Variants in PRXL2A observed in about 807,000 individuals in gnomAD.
The protein encoded by PRXL2A is peroxiredoxin like 2A, also known as peroxiredoxin-like 2A.
A neutral mutation model predicts 25.6 loss-of-function variants in PRXL2A; 26 were observed. The observed-to-expected ratio is 1.02, with a 90% CI of 0.74 to 1.41. The LOEUF is 1.41. Ranked by LOEUF, PRXL2A falls within the 40% of genes most tolerant of loss-of-function variation. The probability of loss-of-function intolerance (pLI) is 0.00; values close to 1 mark genes in which losing one functional copy is unlikely to be tolerated. For synonymous variants in PRXL2A, 98 were observed against 102.9 expected (o/e 0.95, Z 0.29); for missense variants, 246 against 273.9 (o/e 0.90, Z 0.72).
chr10:80,422,136 T>C (rs1445578826), intron 2 of PRXL2A, among the ~76,000 whole-genome samples: 1 of 152,180 alleles, frequency 6.6e-6, no homozygotes, highest in Non-Finnish European at 1.5e-5. Flanking sequence ...TCCAGAAATG[T>C]CCCACTTCTG....
At chr10:80,414,690 G>A (rs1020982666) in intron 1 of PRXL2A, among the ~76,000 whole-genome samples, 7 of 152,178 alleles carry the variant, frequency 4.6e-5, no homozygotes, top group African/African-American at 1.7e-4. Context: ...TAGTACTGCT[G>A]CCTGCTGGCT....
intron 1 of PRXL2A, chr10:80,409,089 G>C (rs1352340973): frequency 1.0e-6 from 1 of 985,284 alleles, no homozygotes; most frequent in East Asian, 1.1e-4. Flanking sequence ...GGCAGTCCTC[G>C]TCCTCGTCTC....
intron 1 of PRXL2A, among the ~76,000 whole-genome samples, chr10:80,411,949 C>G (rs570640307): frequency 1.9e-4 from 29 of 152,258 alleles, no homozygotes; most frequent in South Asian, 1.5e-3. Context: ...TTTAACTCAG[C>G]CAGTGCTGAT....
chr10:80,422,588 C>T (rs766527792), intron 3 of PRXL2A, 80 bp downstream of exon 3: 41 of 1,105,290 alleles, frequency 3.7e-5, no homozygotes, highest in African/African-American at 9.5e-5. Context: ...AACCAAGGGT[C>T]GGTAAGCCAG....
In PRXL2A at chr10:80,426,114, C is replaced by G. The variant is rs778589983; in HGVS notation, c.411+108C>G. ...TGGCCTGGAGCTGGAGGCTGGCCTT[C>G]CCTTCAGCTGTCCTGAACTTGCAAG... On this transcript the variant is annotated intron_variant, in intron 4 of 5. Coordinates refer to ENST00000606162, the MANE Select transcript of PRXL2A (RefSeq NM_032333.5). The G allele has an allele frequency of 1.5e-4, 214 of 1,399,024 alleles. 1 individual carries two copies. The highest frequency in any genetic ancestry group is 2.1e-4 in the Non-Finnish European group (212 of 1,007,928). The allele number at this position is 1,399,024 out of a possible 1,614,324, so 86.7% of individuals were successfully genotyped here.
chr10:80,411,039 A>C (rs1372692520), intron 1 of PRXL2A, among the ~76,000 whole-genome samples: 2 of 152,216 alleles, frequency 1.3e-5, no homozygotes, highest in Non-Finnish European at 2.9e-5. Flanking sequence ...ACACACCCCA[A>C]GGAGCAGGGC....
chr10:80,430,838 A>G (rs1444266396), intron 5 of PRXL2A, among the ~76,000 whole-genome samples: 1 of 152,062 alleles, frequency 6.6e-6, no homozygotes, highest in Admixed American at 6.6e-5. Context: ...TTAACAGTAT[A>G]TTGTGAACAT....
In PRXL2A at chr10:80,434,553, G is replaced by A. The variant is rs1845351194; in HGVS notation, c.*2454G>A. The stretch of plus-strand genomic sequence containing the variant: ...ATTTTACTCAATAACTACTGCAGAA[G>A]GAGAGAGTCCTCAGTATAGAACTGA... On this transcript the variant is annotated 3_prime_UTR_variant, in exon 6 of 6. Transcript: ENST00000606162. The A allele has an allele frequency of 6.6e-6, 1 of 152,194 alleles. No homozygotes were observed. The highest frequency in any genetic ancestry group is 6.5e-5 in the Admixed American group (1 of 15,274). The allele number at this position is 152,194 out of a possible 1,614,324, so 9.4% of individuals were successfully genotyped here.
At chr10:80,427,555 C>A (rs973908701) in intron 5 of PRXL2A, 59 bp downstream of exon 5, 2 of 1,566,672 alleles carry the variant, frequency 1.3e-6, no homozygotes, top group African/African-American at 2.7e-5. Context: ...GTGTGAGACT[C>A]CAACCAGAAG....
At chr10:80,424,798 T>A (rs1326185711) in intron 3 of PRXL2A, among the ~76,000 whole-genome samples, 1 of 152,126 alleles carries the variant, frequency 6.6e-6, no homozygotes, top group Non-Finnish European at 1.5e-5. Flanking sequence ...GAGGTGTAGG[T>A]TGCATTGAGC....
At chr10:80,415,208 C>T (rs1844619195) in intron 1 of PRXL2A, among the ~76,000 whole-genome samples, 1 of 152,246 alleles carries the variant, frequency 6.6e-6, no homozygotes, top group Non-Finnish European at 1.5e-5. Flanking sequence ...ATAACACTCT[C>T]AGCATGGTGC....
intron 1 of PRXL2A, among the ~76,000 whole-genome samples, chr10:80,411,215 G>A (rs1028020214): frequency 2.6e-5 from 4 of 152,222 alleles, no homozygotes; most frequent in Admixed American, 2.6e-4. Context: ...GTTATTGTGG[G>A]GAAGAGAGGT....
chr10:80,426,784 A>AG (rs1845055586), intron 4 of PRXL2A, among the ~76,000 whole-genome samples: 2 of 152,220 alleles, frequency 1.3e-5, no homozygotes, highest in African/African-American at 4.8e-5. Context: ...ATGTCACCCT[A>AG]GGTCAGGCCT....
rs34782759 is a variant in PRXL2A at position 80,435,463 on chromosome 10, T to C, written c.*3364T>C. ...TCAAGATTCCAGTGGGCAGTCTGGG[T>C]GGGCCTGAGTTTCTGCTTTTTTTTT... On this transcript the variant is annotated 3_prime_UTR_variant, in exon 6 of 6. Transcript: ENST00000606162. 16,615 of 151,334 alleles carry C rather than the reference T, an allele frequency of 0.11. 1,207 individuals carry two copies. The highest frequency in any genetic ancestry group is 0.32 in the South Asian group (1,543 of 4,778). 9.4% of individuals were successfully genotyped at this position (151,334 alleles called of 1,614,324 possible). A position where few individuals can be genotyped will look rare whatever the true frequency, so the allele number is the denominator to read the frequency against.
intron 1 of PRXL2A, among the ~76,000 whole-genome samples, chr10:80,418,300 T>G (rs2131888264): frequency 6.6e-6 from 1 of 152,280 alleles, no homozygotes; most frequent in East Asian, 1.9e-4. Context: ...TTAGTTCACT[T>G]AGGATGATGG....
In PRXL2A at chr10:80,414,103, G is replaced by A. The variant is rs114899290; in HGVS notation, c.-3+5460G>A. 2.7e-3 allele frequency among the ~76,000 whole-genome samples: 416 copies of A among 152,272 alleles called. 2 individuals are homozygous for A. Among genetic ancestry groups the A allele is most frequent in the African/African-American group, 9.6e-3 (400 of 41,550 alleles). On this transcript the variant is annotated intron_variant, in intron 1 of 5. Coordinates refer to ENST00000606162, the MANE Select transcript of PRXL2A (RefSeq NM_032333.5). ...GGATCATTAGGAACTTCCTCATGGAGTTGAGAAAAATGGGGCCTGGGGAGG... is the reference window on the plus strand; with the variant it reads ...GGATCATTAGGAACTTCCTCATGGAATTGAGAAAAATGGGGCCTGGGGAGG...
intron 4 of PRXL2A, among the ~76,000 whole-genome samples, chr10:80,426,877 C>T (rs1318461492): frequency 1.3e-5 from 2 of 152,108 alleles, no homozygotes; most frequent in East Asian, 3.9e-4. Flanking sequence ...GGCATGGTGG[C>T]TCATGCCTGT....
chr10:80,431,910 C>T (rs1250046257), intron 5 of PRXL2A, 76 bp from the exon 6 acceptor site: 2 of 1,029,846 alleles, frequency 1.9e-6, no homozygotes, highest in Non-Finnish European at 3.0e-6. Context: ...GCTTGACAGA[C>T]AGCTGGTCCT....
intron 1 of PRXL2A, among the ~76,000 whole-genome samples, chr10:80,416,645 C>CG (rs908936213): frequency 1.3e-5 from 2 of 152,102 alleles, no homozygotes; most frequent in African/African-American, 2.4e-5. Context: ...AGGGTCTTGG[C>CG]GGGGGGCCCA....
Sources: gnomAD v4.1 joint callset for allele counts (sites outside exome capture counted in the v4.1 genomes callset) on GRCh38, gnomAD v4.1.1 for gene constraint, MANE v1.5 for transcripts, NCBI Gene and HGNC (gene_info 2026-07-23, HGNC 2026-07-21) for gene names.